Variants in GNA12 observed in about 807,000 individuals in gnomAD.
GNA12 encodes the protein guanine nucleotide-binding protein subunit alpha-12.
In GNA12, 9 loss-of-function variants were observed where a neutral mutation model predicts 26.0. The observed-to-expected ratio is 0.35, with a 90% CI of 0.21 to 0.60. The LOEUF (loss-of-function observed/expected upper bound fraction) is 0.60, where lower values mean the gene tolerates loss of function less well. Ranked by LOEUF, GNA12 falls within the 20% of genes least tolerant of loss-of-function variation. The pLI is 0.78. For synonymous variants in GNA12, 264 were observed against 219.6 expected (o/e 1.20, Z -1.79); for missense variants, 405 against 525.8 (o/e 0.77, Z 2.25).
intron 2 of GNA12, among the ~76,000 whole-genome samples, chr7:2,780,172 T>G (rs564025639): frequency 2.0e-5 from 3 of 149,752 alleles, no homozygotes; most frequent in Non-Finnish European, 4.4e-5. Context: ...CGTCAGGGAC[T>G]TCTTTCCATG....
chr7:2,729,334 G>A lies in GNA12; in HGVS notation c.*1847C>T, dbSNP rs1789767753. 6.6e-6 allele frequency: 1 copy of A among 152,416 alleles called. No individual in the cohort carries two copies. The highest frequency in any genetic ancestry group is 1.5e-5 in the Non-Finnish European group (1 of 68,098). The allele number at this position is 152,416 out of a possible 1,614,324, so 9.4% of individuals were successfully genotyped here. A position where few individuals can be genotyped will look rare whatever the true frequency, so the allele number is the denominator to read the frequency against. On this transcript the variant is annotated 3_prime_UTR_variant, in exon 4 of 4. Transcript: ENST00000275364. ...GACCACCCCGAGGGCCCCACCAGGAGCTCTCTTTCTCCTTTAAAACGTGGT... is the reference window on the plus strand; with the variant it reads ...GACCACCCCGAGGGCCCCACCAGGAACTCTCTTTCTCCTTTAAAACGTGGT...
At position 2,831,700 on chromosome 7, in the gene GNA12, G is replaced by T. The variant is rs112991245; in HGVS notation, c.309+12153C>A. ...TTACAGGCATGAACCACCGCGCCCC[G>T]CCTGGAACTTCATTTTCTTAAAAAA... On this transcript the variant is annotated intron_variant, in intron 1 of 3. Coordinates refer to ENST00000275364, the MANE Select transcript of GNA12 (RefSeq NM_007353.3). Among the ~76,000 whole-genome samples the T allele has an allele frequency of 4.9e-3, 744 of 151,930 alleles. 4 individuals carry two copies. The highest frequency in any genetic ancestry group is 0.017 in the African/African-American group (683 of 41,382).
intron 2 of GNA12, among the ~76,000 whole-genome samples, chr7:2,772,707 T>A (rs1791979363): frequency 6.6e-6 from 1 of 152,162 alleles, no homozygotes; most frequent in East Asian, 1.9e-4. Context: ...GGACTAACTG[T>A]CCCACACTGC....
chr7:2,767,953 C>G (rs978973072), intron 2 of GNA12, among the ~76,000 whole-genome samples: 7 of 152,228 alleles, frequency 4.6e-5, no homozygotes, highest in Admixed American at 6.5e-5. Context: ...CTCCTGGGTT[C>G]AAGCAATTCT....
rs190044393 is a variant in GNA12 at position 2,831,558 on chromosome 7, C to T, written c.309+12295G>A. The stretch of plus-strand genomic sequence containing the variant: ...AGCTGGGACTACAGGCGCCTGCCAC[C>T]ACGCCCGGTTATTTTTTTGTATTTT... On this transcript the variant is annotated intron_variant, in intron 1 of 3. Transcript: ENST00000275364. Among the ~76,000 whole-genome samples the T allele has an allele frequency of 3.2e-3, 483 of 152,090 alleles. 23 individuals are homozygous for T. The East Asian group carries it at 0.083, about 26-fold the overall frequency.
chr7:2,752,162 C>T (rs1791072190), intron 2 of GNA12, among the ~76,000 whole-genome samples: 1 of 151,074 alleles, frequency 6.6e-6, no homozygotes, highest in Non-Finnish European at 1.5e-5. Context: ...ACTATTTTAG[C>T]AAAATAAGGA....
chr7:2,783,554 A>C (rs552394025), intron 2 of GNA12, among the ~76,000 whole-genome samples: 2 of 152,250 alleles, frequency 1.3e-5, no homozygotes, highest in East Asian at 3.9e-4. Flanking sequence ...GATCTGTCAG[A>C]AACTGCAGCT....
intron 2 of GNA12, among the ~76,000 whole-genome samples, chr7:2,772,519 C>T (rs1791974697): frequency 6.6e-6 from 1 of 150,788 alleles, no homozygotes; most frequent in African/African-American, 2.4e-5. Context: ...AAGATCGCAC[C>T]ACTGCACTCC....
chr7:2,740,938 A>T (rs549537327), intron 2 of GNA12, among the ~76,000 whole-genome samples: 2 of 152,266 alleles, frequency 1.3e-5, no homozygotes, highest in South Asian at 4.1e-4. Flanking sequence ...CCAGCTACTC[A>T]GGAAGCTAAG....
At chr7:2,833,814 G>C (rs552427786) in intron 1 of GNA12, among the ~76,000 whole-genome samples, 27 of 152,062 alleles carry the variant, frequency 1.8e-4, no homozygotes, top group Non-Finnish European at 4.0e-4. Flanking sequence ...AGCCTAAAGA[G>C]GCACTTCTGA....
rs555204799 is a variant in GNA12, at chr7:2,813,950, C to T, written c.310-18807G>A. Among the ~76,000 whole-genome samples, 53 of 152,296 alleles carry T rather than the reference C, an allele frequency of 3.5e-4. 1 individual carries two copies. In the South Asian group the frequency reaches 0.011, roughly 31 times the overall value. Reference sequence around the variant, plus strand: ...AGTGGCTGGGCACCTTCCAATCCCTCAAGACCCTGAATAGATCAGACGGCA... The same window carrying T: ...AGTGGCTGGGCACCTTCCAATCCCTTAAGACCCTGAATAGATCAGACGGCA... On this transcript the variant is annotated intron_variant, in intron 1 of 3. Coordinates refer to ENST00000275364, the MANE Select transcript of GNA12 (RefSeq NM_007353.3).
At chr7:2,792,281 T>A (rs555018258) in intron 2 of GNA12, among the ~76,000 whole-genome samples, 3 of 152,342 alleles carry the variant, frequency 2.0e-5, no homozygotes, top group South Asian at 2.1e-4. Context: ...AGACTGGGCT[T>A]TGAGGCCCAA....
In GNA12 at chr7:2,771,047, T is replaced by C. The variant is rs140379902; in HGVS notation, c.525+23881A>G. Among the ~76,000 whole-genome samples the C allele has an allele frequency of 5.5e-4, 83 of 152,216 alleles. 1 individual carries two copies. Among genetic ancestry groups the C allele is most frequent in the East Asian group, 1.9e-3 (10 of 5,170 alleles). On this transcript the variant is annotated intron_variant, in intron 2 of 3. Coordinates refer to ENST00000275364, the MANE Select transcript of GNA12 (RefSeq NM_007353.3). ...GGCTCACACCTGTAATCCCAGCACT[T>C]TGGGAGGCTGAGGTGGGTGGATCAC...
intron 2 of GNA12, among the ~76,000 whole-genome samples, chr7:2,777,369 G>A (rs910830844): frequency 1.3e-5 from 2 of 152,222 alleles, no homozygotes; most frequent in Non-Finnish European, 2.9e-5. Context: ...CCAGATGCCT[G>A]AAAGGGCGAA....
chr7:2,781,354 G>A (rs145719727), intron 2 of GNA12, among the ~76,000 whole-genome samples: 19 of 150,852 alleles, frequency 1.3e-4, no homozygotes, highest in African/African-American at 3.6e-4. Context: ...ACACGCACAC[G>A]TTAAATACAT....
chr7:2,790,837 G>C lies in GNA12; in HGVS notation c.525+4091C>G, dbSNP rs186052906. ...GAAAAAGTAAAAATTAGCCAGGTGT[G>C]GTGGCACATGCCTGTGATCCCAACT... On this transcript the variant is annotated intron_variant, in intron 2 of 3. Transcript: ENST00000275364. Among the ~76,000 whole-genome samples, 337 of 152,222 alleles carry C rather than the reference G, an allele frequency of 2.2e-3. 1 individual carries two copies. Among genetic ancestry groups the C allele is most frequent in the Non-Finnish European group, 3.5e-3 (236 of 67,992 alleles).
chr7:2,822,331 T>C (rs1245146358), intron 1 of GNA12, among the ~76,000 whole-genome samples: 1 of 152,224 alleles, frequency 6.6e-6, no homozygotes, highest in Non-Finnish European at 1.5e-5. Flanking sequence ...AACTAGCATC[T>C]GTAGACAGTC....
intron 1 of GNA12, among the ~76,000 whole-genome samples, chr7:2,806,473 A>AAAG (rs1554262005): frequency 1.3e-5 from 2 of 151,244 alleles, no homozygotes; most frequent in African/African-American, 4.8e-5. Flanking sequence ...AAAAAAAAAA[A>AAAG]AAAAAGAAAA....
chr7:2,801,759 C>A (rs978892532), intron 1 of GNA12, among the ~76,000 whole-genome samples: 23 of 151,972 alleles, frequency 1.5e-4, no homozygotes, highest in African/African-American at 5.6e-4. Context: ...TAGTCAAAAA[C>A]TGCTCTCTGC....
Sources: allele counts gnomAD v4.1 joint callset (sites outside exome capture counted in the v4.1 genomes callset), GRCh38; gene constraint gnomAD v4.1.1; transcripts MANE v1.5; gene names NCBI Gene and HGNC (gene_info 2026-07-23, HGNC 2026-07-21).